NKAIN2: variants seen among roughly 807,000 people sequenced by gnomAD.
NKAIN2 encodes sodium/potassium-transporting ATPase subunit beta-1-interacting protein 2.
NKAIN2 carries 14 observed loss-of-function variants against 32.6 expected under a neutral mutation model. The ratio of observed to expected loss-of-function variants is 0.43; its 90% confidence interval spans 0.28 to 0.67. The LOEUF (loss-of-function observed/expected upper bound fraction) is 0.67. Ranked by LOEUF, NKAIN2 falls within the 30% of genes least tolerant of loss-of-function variation. The pLI, the probability that NKAIN2 is intolerant of heterozygous loss-of-function variation, is 0.17. For synonymous variants in NKAIN2, 80 were observed against 87.2 expected (o/e 0.92, Z 0.46); for missense variants, 198 against 258.3 (o/e 0.77, Z 1.60).
intron 3 of NKAIN2, among the ~76,000 whole-genome samples, chr6:124,404,163 G>A (rs1404341140): frequency 6.6e-6 from 1 of 152,046 alleles, no homozygotes; most frequent in East Asian, 1.9e-4. Context: ...ATTTAAGTCT[G>A]TTGCTTGCCT....
Position 124,033,423 on chromosome 6 carries a change from G to A in NKAIN2, c.54+229169G>A, listed in dbSNP as rs1355284880. Reference sequence around the variant, plus strand: ...AAATAATTAATGGTATACAAGTAGGGGGAAGAAAGCTAACTATTGTGTTTT... The same window carrying A: ...AAATAATTAATGGTATACAAGTAGGAGGAAGAAAGCTAACTATTGTGTTTT... On this transcript the variant is annotated intron_variant, in intron 1 of 6. Transcript: ENST00000368417. 2.0e-5 allele frequency among the ~76,000 whole-genome samples: 3 copies of A among 152,036 alleles called. No homozygotes were observed. In the East Asian group the frequency reaches 5.8e-4, roughly 29 times the overall value.
chr6:124,271,463 G>A lies in NKAIN2; in HGVS notation c.55-11542G>A, dbSNP rs193019834. On this transcript the variant is annotated intron_variant, in intron 1 of 6. Coordinates refer to ENST00000368417, the MANE Select transcript of NKAIN2 (RefSeq NM_001040214.3). ...GATCTCCTGACCTCGTGATCCACCCGCCTTGGCCTCCCAAACTGCTGGGAT... is the reference window on the plus strand; with the variant it reads ...GATCTCCTGACCTCGTGATCCACCCACCTTGGCCTCCCAAACTGCTGGGAT... 2.2e-3 allele frequency among the ~76,000 whole-genome samples: 338 copies of A among 152,190 alleles called. 1 individual carries two copies. Among genetic ancestry groups the A allele is most frequent in the African/African-American group, 7.3e-3 (304 of 41,536 alleles).
At chr6:124,676,499 G>C (rs897131233) in intron 4 of NKAIN2, among the ~76,000 whole-genome samples, 1 of 152,064 alleles carries the variant, frequency 6.6e-6, no homozygotes, top group Admixed American at 6.6e-5. Context: ...ATATTTGAGT[G>C]CTCTGATGTT....
intron 1 of NKAIN2, among the ~76,000 whole-genome samples, chr6:123,884,839 G>C (rs1394023467): frequency 6.6e-6 from 1 of 151,866 alleles, no homozygotes; most frequent in African/African-American, 2.4e-5. Context: ...TTTCAGCTGA[G>C]CAACAACGTC....
chr6:124,781,007 C>T (rs532384194), intron 4 of NKAIN2, among the ~76,000 whole-genome samples: 23 of 152,166 alleles, frequency 1.5e-4, no homozygotes, highest in Admixed American at 1.4e-3. Flanking sequence ...TTGATGATTT[C>T]CAAGCTCTGC....
intron 1 of NKAIN2, among the ~76,000 whole-genome samples, chr6:124,151,110 A>T (rs1192745994): frequency 1.3e-5 from 2 of 151,986 alleles, no homozygotes; most frequent in Non-Finnish European, 2.9e-5. Flanking sequence ...TCTTCATATC[A>T]TTCCTAATAG....
intron 4 of NKAIN2, among the ~76,000 whole-genome samples, chr6:124,774,148 A>C (rs1308720965): frequency 6.6e-6 from 1 of 152,206 alleles, no homozygotes; most frequent in Non-Finnish European, 1.5e-5. Flanking sequence ...CAAGTAGACT[A>C]TGAGTAAGGC....
intron 1 of NKAIN2, among the ~76,000 whole-genome samples, chr6:124,093,752 A>G (rs1203353656): frequency 2.0e-5 from 3 of 152,150 alleles, no homozygotes; most frequent in African/African-American, 4.8e-5. Flanking sequence ...AGGGACTTAC[A>G]AAACTATCTA....
At chr6:124,707,720 C>G (rs1309277155) in intron 4 of NKAIN2, among the ~76,000 whole-genome samples, 1 of 151,558 alleles carries the variant, frequency 6.6e-6, no homozygotes. Flanking sequence ...TGTTTGAGTC[C>G]ATTGTAGATT....
At chr6:123,898,722 A>G (rs1446185221) in intron 1 of NKAIN2, among the ~76,000 whole-genome samples, 1 of 152,058 alleles carries the variant, frequency 6.6e-6, no homozygotes, top group Non-Finnish European at 1.5e-5. Context: ...CACTGTCATC[A>G]TTCATCTGTT....
At chr6:124,132,803 C>A (rs1786543462) in intron 1 of NKAIN2, among the ~76,000 whole-genome samples, 1 of 152,206 alleles carries the variant, frequency 6.6e-6, no homozygotes, top group African/African-American at 2.4e-5. Context: ...TGTTTCCTGG[C>A]ACCAACACAG....
chr6:124,158,790 C>A (rs1788119548), intron 1 of NKAIN2, among the ~76,000 whole-genome samples: 1 of 152,122 alleles, frequency 6.6e-6, no homozygotes, highest in Non-Finnish European at 1.5e-5. Flanking sequence ...TTTCTATTTG[C>A]CAAGTTGTCA....
intron 3 of NKAIN2, among the ~76,000 whole-genome samples, chr6:124,407,723 G>A (rs150926699): frequency 6.6e-6 from 1 of 151,734 alleles, no homozygotes; most frequent in Non-Finnish European, 1.5e-5. Context: ...TAATGAGATG[G>A]CTGGGTCAAA....
At chr6:124,469,837 A>T (rs1393785063) in intron 3 of NKAIN2, among the ~76,000 whole-genome samples, 1 of 152,092 alleles carries the variant, frequency 6.6e-6, no homozygotes, top group African/African-American at 2.4e-5. Context: ...ACTGGCCTGG[A>T]ATTACATGCT....
chr6:124,740,983 G>A (rs570989737), intron 4 of NKAIN2, among the ~76,000 whole-genome samples: 1 of 151,850 alleles, frequency 6.6e-6, no homozygotes, highest in East Asian at 2.0e-4. Flanking sequence ...TTAGACTATG[G>A]TGGCAAAGCA....
At chr6:124,581,810 A>G (rs921492375) in intron 3 of NKAIN2, among the ~76,000 whole-genome samples, 2 of 152,210 alleles carry the variant, frequency 1.3e-5, no homozygotes, top group Non-Finnish European at 1.5e-5. Flanking sequence ...CTTGAAACAA[A>G]TGACAACGGA....
At chr6:124,739,947 A>C (rs1453826973) in intron 4 of NKAIN2, among the ~76,000 whole-genome samples, 1 of 151,828 alleles carries the variant, frequency 6.6e-6, no homozygotes, top group Non-Finnish European at 1.5e-5. Context: ...AAAGCATGGG[A>C]AAGGTTTAAA....
chr6:124,378,429 A>G (rs143740427), intron 3 of NKAIN2, among the ~76,000 whole-genome samples: 68 of 152,262 alleles, frequency 4.5e-4, no homozygotes, highest in Admixed American at 1.7e-3. Flanking sequence ...GCAACAGGAT[A>G]CACTGGGGTA....
chr6:124,734,298 CT>C (rs1191394800), intron 4 of NKAIN2, among the ~76,000 whole-genome samples: 1 of 151,796 alleles, frequency 6.6e-6, no homozygotes, highest in Non-Finnish European at 1.5e-5. Flanking sequence ...CTCTGCTGGG[CT>C]TTTAATTATC....
Sources: allele counts gnomAD v4.1 joint callset (sites outside exome capture counted in the v4.1 genomes callset), GRCh38; gene constraint gnomAD v4.1.1; transcripts MANE v1.5; gene names NCBI Gene and HGNC (gene_info 2026-07-23, HGNC 2026-07-21).